Variants in SCHIP1 observed in about 807,000 individuals in gnomAD.
SCHIP1 encodes schwannomin interacting protein 1.
In SCHIP1, 8 loss-of-function variants were observed where a neutral mutation model predicts 29.7. The ratio of observed to expected loss-of-function variants is 0.27; its 90% CI spans 0.16 to 0.49. SCHIP1 has a LOEUF of 0.49. Among genes scored for constraint, SCHIP1 ranks in the 20% least tolerant of loss-of-function variants. The probability of loss-of-function intolerance (pLI) is 0.99; values close to 1 mark genes in which losing one functional copy is unlikely to be tolerated. For synonymous variants in SCHIP1, 76 were observed against 94.9 expected, an observed-to-expected ratio of 0.80 and a Z score of 1.16; for missense variants, 193 against 294.6, an observed-to-expected ratio of 0.66 and a Z score of 2.52.
the SCHIP1 span, among the ~76,000 whole-genome samples, chr3:159,743,422 C>A: frequency 6.6e-6 from 1 of 152,278 alleles, no homozygotes; most frequent in East Asian, 1.9e-4. Flanking sequence ...TGATACTTAA[C>A]AACAACCTGG....
the SCHIP1 span, among the ~76,000 whole-genome samples, chr3:159,743,968 A>G: frequency 6.6e-6 from 1 of 152,220 alleles, no homozygotes; most frequent in Non-Finnish European, 1.5e-5. Flanking sequence ...GTCTCAAAAG[A>G]AGAAGCACCC....
At chr3:159,853,770 C>T (rs147583846) in intron 1 of SCHIP1, among the ~76,000 whole-genome samples, 3 of 152,246 alleles carry the variant, frequency 2.0e-5, no homozygotes, top group African/African-American at 7.2e-5. Flanking sequence ...AAATTATTGA[C>T]ATATATTTAC....
chr3:159,402,995 T>C, the SCHIP1 span, among the ~76,000 whole-genome samples: 1 of 152,124 alleles, frequency 6.6e-6, no homozygotes, highest in African/African-American at 2.4e-5. Flanking sequence ...CTTATGAACT[T>C]GAGAGCCTCC....
At chr3:159,623,495 G>A in the SCHIP1 span, among the ~76,000 whole-genome samples, 1,236 of 152,168 alleles carry the variant, frequency 8.1e-3, 42 homozygotes, top group East Asian at 0.055. Flanking sequence ...GCATGGTGGC[G>A]CATGCCTGTA....
the SCHIP1 span, among the ~76,000 whole-genome samples, chr3:159,803,332 G>C: frequency 2.9e-4 from 44 of 152,236 alleles, 1 homozygote; most frequent in Admixed American, 2.7e-3. Flanking sequence ...TTCCATTCCA[G>C]CCTCTATTCC....
At chr3:159,354,463 T>C in the SCHIP1 span, among the ~76,000 whole-genome samples, 1 of 152,206 alleles carries the variant, frequency 6.6e-6, no homozygotes. Context: ...TAGAAAAATG[T>C]GTCTGAAGTT....
the SCHIP1 span, among the ~76,000 whole-genome samples, chr3:159,673,832 C>T: frequency 2.6e-5 from 4 of 152,174 alleles, no homozygotes; most frequent in African/African-American, 7.2e-5. Flanking sequence ...AACATTCATT[C>T]AATGACAGTA....
chr3:159,536,113 C>G, the SCHIP1 span, among the ~76,000 whole-genome samples: 3 of 152,136 alleles, frequency 2.0e-5, no homozygotes, highest in South Asian at 2.1e-4. Flanking sequence ...CTATGTTGAA[C>G]AGCAAAGACA....
At chr3:159,835,901 A>G (rs1156884861), upstream of SCHIP1, among the ~76,000 whole-genome samples, 1 of 152,210 alleles carries the variant, frequency 6.6e-6, no homozygotes, top group Admixed American at 6.5e-5. Flanking sequence ...ACAATTGAAA[A>G]AAAATGCTTT....
At chr3:159,299,106 C>T in the SCHIP1 span, among the ~76,000 whole-genome samples, 1 of 152,168 alleles carries the variant, frequency 6.6e-6, no homozygotes, top group Non-Finnish European at 1.5e-5. Flanking sequence ...AGCCTTCTAA[C>T]AGAAAGAGCA....
At chr3:159,842,321 C>T (rs1744292917) in intron 1 of SCHIP1, among the ~76,000 whole-genome samples, 1 of 152,080 alleles carries the variant, frequency 6.6e-6, no homozygotes, top group South Asian at 2.1e-4. Context: ...GGCCATTCCC[C>T]TGAAAATTGC....
At chr3:159,346,216 G>C in the SCHIP1 span, among the ~76,000 whole-genome samples, 1 of 127,346 alleles carries the variant, frequency 7.9e-6, no homozygotes, top group South Asian at 2.6e-4. Flanking sequence ...AAGAAAAAAA[G>C]AAAAACCCCA....
chr3:159,803,995 C>T, the SCHIP1 span, among the ~76,000 whole-genome samples: 6 of 152,166 alleles, frequency 3.9e-5, no homozygotes, highest in Non-Finnish European at 1.5e-5. Context: ...CTCCCAAATC[C>T]ATACCCTGCA....
chr3:159,471,576 T>C, the SCHIP1 span, among the ~76,000 whole-genome samples: 1 of 152,128 alleles, frequency 6.6e-6, no homozygotes, highest in South Asian at 2.1e-4. Context: ...CCATCTAAAA[T>C]ATACATTACC....
At chr3:159,431,402 G>A in the SCHIP1 span, among the ~76,000 whole-genome samples, 572 of 152,226 alleles carry the variant, frequency 3.8e-3, 2 homozygotes, top group African/African-American at 0.013. Flanking sequence ...AAAAATGCAG[G>A]AGTAGCCAGC....
the SCHIP1 span, among the ~76,000 whole-genome samples, chr3:159,657,883 A>T: frequency 5.9e-5 from 9 of 152,238 alleles, no homozygotes; most frequent in South Asian, 2.1e-4. Context: ...GTCATTGTCC[A>T]CATGAAGCAC....
chr3:159,723,027 C>T, the SCHIP1 span, among the ~76,000 whole-genome samples: 1 of 152,144 alleles, frequency 6.6e-6, no homozygotes. Context: ...GAGCAGAGCC[C>T]ATGTGTGCTC....
the SCHIP1 span, among the ~76,000 whole-genome samples, chr3:159,360,095 T>G: frequency 1.3e-5 from 2 of 152,194 alleles, no homozygotes; most frequent in Admixed American, 6.5e-5. Flanking sequence ...TGTAAATAGC[T>G]GGACCCAGAG....
chr3:159,618,731 T>C, the SCHIP1 span, among the ~76,000 whole-genome samples: 4 of 150,168 alleles, frequency 2.7e-5, no homozygotes, highest in Admixed American at 1.3e-4. Flanking sequence ...CCGTATAGAG[T>C]TGGGGAAACT....
Sources: allele counts gnomAD v4.1 joint callset (sites outside exome capture counted in the v4.1 genomes callset), GRCh38; gene constraint gnomAD v4.1.1; transcripts MANE v1.5; gene names NCBI Gene and HGNC (gene_info 2026-07-23, HGNC 2026-07-21).